The following LMO7 variants were observed in gnomAD, a reference collection of about 807,000 sequenced individuals.
LMO7 encodes the protein LIM domain 7.
A neutral mutation model predicts 206.5 loss-of-function variants in LMO7; 120 were observed. That is an observed-to-expected ratio of 0.58 (90% CI 0.50 to 0.68). The LOEUF is 0.68. Ranked by LOEUF, LMO7 falls within the 30% of genes least tolerant of loss-of-function variation. The probability of loss-of-function intolerance (pLI) is 0.00; values close to 1 mark genes in which losing one functional copy is unlikely to be tolerated. For synonymous variants in LMO7, 706 were observed against 681.5 expected (o/e 1.04, Z -0.56); for missense variants, 1,959 against 1,957.9 (o/e 1.00, Z -0.01).
Position 75,679,594 on chromosome 13 carries a change from T to C in LMO7, c.70-33588T>C, listed in dbSNP as rs989392452. Among the ~76,000 whole-genome samples, 5 of 152,314 alleles carry C rather than the reference T, an allele frequency of 3.3e-5. No individual in the cohort carries two copies. In the South Asian group the frequency reaches 8.3e-4, roughly 25 times the overall value. ...GAGGCAGAGGTGGGAATCTAAAGTA[T>C]TAACAAATAGTCCTGATGACCTGTC... On this transcript the variant is annotated intron_variant, in intron 1 of 30. Coordinates refer to ENST00000377534, the MANE Select transcript of LMO7 (RefSeq NM_001306080.2).
At chr13:75,771,579 C>CAGAATTTTTAAAGACTTTAAAAAA (rs2049721494) in intron 4 of LMO7, among the ~76,000 whole-genome samples, 2 of 152,206 alleles carry the variant, frequency 1.3e-5, no homozygotes, top group Non-Finnish European at 1.5e-5. Context: ...ACTTTAAAAA[C>CAGAATTTTTAAAGACTTTAAAAAA]AGAATTAGTA....
chr13:75,663,435 T>TCTTTC (rs1555289858), intron 1 of LMO7, among the ~76,000 whole-genome samples: 3 of 111,760 alleles, frequency 2.7e-5, no homozygotes, highest in South Asian at 2.6e-4. Flanking sequence ...TTTCTTTCTT[T>TCTTTC]TTTTTTTTTT....
At chr13:75,835,480 G>A (rs142270426) in intron 18 of LMO7, 141 bp downstream of exon 18, 198 of 553,024 alleles carry the variant, frequency 3.6e-4, no homozygotes, top group African/African-American at 3.2e-3. Context: ...GTAAATTATA[G>A]TAAAGAGATA....
chr13:75,719,585 T>C (rs923276331), intron 2 of LMO7, among the ~76,000 whole-genome samples: 2 of 152,148 alleles, frequency 1.3e-5, no homozygotes, highest in Non-Finnish European at 2.9e-5. Flanking sequence ...TAAAAGTGTG[T>C]GGCACTTCCC....
chr13:75,768,531 T>A (rs685938), intron 4 of LMO7, among the ~76,000 whole-genome samples: 3,393 of 152,222 alleles, frequency 0.022, 112 homozygotes, highest in East Asian at 0.069. Context: ...TTGAAATTTT[T>A]AAATCTGATT....
At chr13:75,822,173 C>T (rs777879774) in intron 14 of LMO7, among the ~76,000 whole-genome samples, 12 of 151,988 alleles carry the variant, frequency 7.9e-5, no homozygotes, top group Admixed American at 1.3e-4. Flanking sequence ...GTACCATATC[C>T]GACAATGAGT....
intron 17 of LMO7, 22 bp downstream of exon 17, chr13:75,834,409 G>C: frequency 6.5e-7 from 1 of 1,532,930 alleles, no homozygotes; most frequent in Non-Finnish European, 8.8e-7. Context: ...TTACCACCAT[G>C]TCTGGCATTT....
chr13:75,745,872 G>A (rs1290896203), intron 3 of LMO7, among the ~76,000 whole-genome samples: 1 of 152,200 alleles, frequency 6.6e-6, no homozygotes, highest in African/African-American at 2.4e-5. Context: ...CTTAGAGGAG[G>A]CTTGCTGCCT....
chr13:75,705,231 C>CT (rs1201508169), intron 1 of LMO7, among the ~76,000 whole-genome samples: 1 of 152,194 alleles, frequency 6.6e-6, no homozygotes, highest in Admixed American at 6.5e-5. Flanking sequence ...GATATGTAGG[C>CT]TTTTTTCCCA....
At chr13:75,636,171 G>C (rs904280847), upstream of LMO7, 1 of 406,974 alleles carries the variant, frequency 2.5e-6, no homozygotes, top group African/African-American at 2.2e-5. Context: ...TCCCGGGCCA[G>C]ACAGTCTGAC....
chr13:75,717,997 T>C (rs931904832), intron 2 of LMO7, among the ~76,000 whole-genome samples: 3 of 152,242 alleles, frequency 2.0e-5, no homozygotes, highest in African/African-American at 4.8e-5. Context: ...GCAGTTTCCA[T>C]GTTATGTGAT....
At chr13:75,784,589 T>C (rs1030442378) in intron 4 of LMO7, among the ~76,000 whole-genome samples, 27 of 152,306 alleles carry the variant, frequency 1.8e-4, no homozygotes, top group African/African-American at 6.5e-4. Flanking sequence ...ATTTAATATA[T>C]ATTAAATCAC....
intron 1 of LMO7, among the ~76,000 whole-genome samples, chr13:75,661,032 T>G (rs1049666795): frequency 6.6e-5 from 10 of 152,200 alleles, no homozygotes; most frequent in Admixed American, 6.5e-4. Flanking sequence ...CACTGTTCAT[T>G]TTAGATTACT....
At chr13:75,695,930 G>C (rs1227413175) in intron 1 of LMO7, among the ~76,000 whole-genome samples, 1 of 152,134 alleles carries the variant, frequency 6.6e-6, no homozygotes, top group Admixed American at 6.5e-5. Flanking sequence ...TATGTACCTA[G>C]ATCTAGCCAT....
rs757797573 is a variant in LMO7 at position 75,800,705 on chromosome 13, C to A, written c.484C>A (p.Leu162Met). ...TTAGGCACTCGAAGACTCCAGCTTC[C>A]TGAAAAGAAGTGGCAGGGACAGTGG... ...LTKALEDSSF[L>M]KRSGRDSGYG... is the part of the protein sequence containing the mutation. Residue 162 changes from leucine to methionine, a missense_variant, in exon 7 of 31, where the codon CTG (leucine) becomes ATG (methionine). By Grantham distance (15) the Leu-to-Met change is conservative (BLOSUM62 2). Transcript: ENST00000377534. The A allele has an allele frequency of 1.9e-6, 3 of 1,614,040 alleles. No individual in the cohort carries two copies. The highest frequency in any genetic ancestry group is 2.5e-6 in the Non-Finnish European group (3 of 1,179,966).
chr13:75,742,462 G>A (rs2139205566), intron 3 of LMO7, among the ~76,000 whole-genome samples: 1 of 152,254 alleles, frequency 6.6e-6, no homozygotes, highest in South Asian at 2.1e-4. Context: ...CATACTACCT[G>A]ACCTCAAACT....
At chr13:75,704,950 A>C (rs896161158) in intron 1 of LMO7, among the ~76,000 whole-genome samples, 2 of 152,236 alleles carry the variant, frequency 1.3e-5, no homozygotes, top group African/African-American at 4.8e-5. Context: ...CTTGGCAATT[A>C]TTGCCTTAAT....
chr13:75,708,917 A>G (rs1378103781), intron 1 of LMO7, among the ~76,000 whole-genome samples: 1 of 152,126 alleles, frequency 6.6e-6, no homozygotes, highest in Non-Finnish European at 1.5e-5. Flanking sequence ...ATTTAACATT[A>G]GGTATATCTC....
upstream of LMO7, among the ~76,000 whole-genome samples, chr13:75,633,908 T>C (rs1005581494): frequency 1.4e-5 from 2 of 139,148 alleles, no homozygotes; most frequent in South Asian, 2.3e-4. Context: ...AGTGCAGTGG[T>C]GTGATCCTGG....
Sources: allele counts gnomAD v4.1 joint callset (sites outside exome capture counted in the v4.1 genomes callset), GRCh38; gene constraint gnomAD v4.1.1; transcripts MANE v1.5; gene names NCBI Gene and HGNC (gene_info 2026-07-23, HGNC 2026-07-21).